The following C7orf78 variants were observed in gnomAD, a reference collection of about 807,000 sequenced individuals.
C7orf78 encodes chromosome 7 open reading frame 78, also known as putative uncharacterized protein C7orf78.
the C7orf78 span, among the ~76,000 whole-genome samples, chr7:12,489,268 A>G: frequency 4.3e-5 from 3 of 70,252 alleles, no homozygotes; most frequent in African/African-American, 2.5e-4. Context: ...TATCATCTGG[A>G]TGGTTATTTA....
the C7orf78 span, among the ~76,000 whole-genome samples, chr7:12,485,098 A>C: frequency 6.7e-6 from 1 of 149,356 alleles, no homozygotes; most frequent in Non-Finnish European, 1.5e-5. Context: ...AATCCAAATT[A>C]TAATTTGCAC....
the C7orf78 span, among the ~76,000 whole-genome samples, chr7:12,504,239 G>A: frequency 6.6e-6 from 1 of 152,126 alleles, no homozygotes; most frequent in Non-Finnish European, 1.5e-5. Flanking sequence ...TATTTACTGA[G>A]TATTGAGCTT....
At chr7:12,541,133 A>G in the C7orf78 span, 1 of 152,232 alleles carries the variant, frequency 6.6e-6, no homozygotes, top group Non-Finnish European at 1.5e-5. Flanking sequence ...TCAGAATCCA[A>G]TCATAAGGCT....
At chr7:12,495,581 G>C in the C7orf78 span, among the ~76,000 whole-genome samples, 1 of 152,168 alleles carries the variant, frequency 6.6e-6, no homozygotes, top group African/African-American at 2.4e-5. Context: ...CAAAATAGGA[G>C]TTAGACTGTT....
At chr7:12,501,677 A>G in the C7orf78 span, among the ~76,000 whole-genome samples, 1 of 138,896 alleles carries the variant, frequency 7.2e-6, no homozygotes, top group Non-Finnish European at 1.6e-5. Flanking sequence ...TACAGATTCA[A>G]TGCCATCCCC....
At chr7:12,531,523 G>A in the C7orf78 span, among the ~76,000 whole-genome samples, 2 of 152,046 alleles carry the variant, frequency 1.3e-5, no homozygotes, top group Non-Finnish European at 2.9e-5. Flanking sequence ...CAGGTTTTTG[G>A]AGAATTAAAT....
At chr7:12,535,003 G>GAAGGAAGGAAGA in the C7orf78 span, among the ~76,000 whole-genome samples, 1 of 151,066 alleles carries the variant, frequency 6.6e-6, no homozygotes, top group Admixed American at 6.6e-5. Flanking sequence ...AGGAAGGAAG[G>GAAGGAAGGAAGA]AAGGAAGGAA....
At chr7:12,521,064 G>A in the C7orf78 span, among the ~76,000 whole-genome samples, 1 of 151,926 alleles carries the variant, frequency 6.6e-6, no homozygotes, top group African/African-American at 2.4e-5. Flanking sequence ...CCATTTGTAT[G>A]GAACATCATT....
the C7orf78 span, among the ~76,000 whole-genome samples, chr7:12,523,950 T>C: frequency 3.9e-5 from 6 of 152,194 alleles, no homozygotes; most frequent in Non-Finnish European, 7.3e-5. Flanking sequence ...CAAATATTTA[T>C]GCAAAATATA....
At chr7:12,492,584 T>A in the C7orf78 span, among the ~76,000 whole-genome samples, 1 of 152,196 alleles carries the variant, frequency 6.6e-6, no homozygotes, top group Admixed American at 6.5e-5. Flanking sequence ...AGTCTCAATT[T>A]TTTTACAAAA....
chr7:12,531,760 T>C, the C7orf78 span, among the ~76,000 whole-genome samples: 2 of 152,146 alleles, frequency 1.3e-5, no homozygotes, highest in Non-Finnish European at 2.9e-5. Flanking sequence ...TGGTTCGTTG[T>C]CTTGTGTTGA....
At chr7:12,540,817 A>C in the C7orf78 span, 1 of 152,230 alleles carries the variant, frequency 6.6e-6, no homozygotes, top group Non-Finnish European at 1.5e-5. Context: ...TAGCATTTGC[A>C]GCCAAGTTTC....
the C7orf78 span, among the ~76,000 whole-genome samples, chr7:12,520,842 T>C: frequency 1.5e-4 from 23 of 152,324 alleles, no homozygotes; most frequent in Admixed American, 8.5e-4. Context: ...TTACTATTAT[T>C]GTATTGCTGT....
the C7orf78 span, among the ~76,000 whole-genome samples, chr7:12,499,510 A>C: frequency 4.0e-5 from 6 of 149,020 alleles, no homozygotes; most frequent in South Asian, 4.4e-4. Flanking sequence ...TAAAGGGATC[A>C]ATTCAACAAG....
At chr7:12,494,673 A>G in the C7orf78 span, among the ~76,000 whole-genome samples, 2 of 152,198 alleles carry the variant, frequency 1.3e-5, no homozygotes, top group African/African-American at 2.4e-5. Flanking sequence ...GCAATAACTG[A>G]TCATCTGTTT....
the C7orf78 span, among the ~76,000 whole-genome samples, chr7:12,508,799 T>G: frequency 6.6e-6 from 1 of 151,998 alleles, no homozygotes; most frequent in African/African-American, 2.4e-5. Flanking sequence ...GGCATTAGAG[T>G]CTTATAGGAG....
At chr7:12,483,844 C>T in the C7orf78 span, 5 of 144,780 alleles carry the variant, frequency 3.5e-5, no homozygotes, top group Admixed American at 2.3e-4. Context: ...TGCCACTGCA[C>T]TCTAGCCTGG....
chr7:12,507,884 T>C, the C7orf78 span, among the ~76,000 whole-genome samples: 3 of 151,960 alleles, frequency 2.0e-5, no homozygotes, highest in African/African-American at 7.2e-5. Context: ...GCATAGTTTA[T>C]ACAAATCTTT....
chr7:12,486,632 G>T, the C7orf78 span, among the ~76,000 whole-genome samples: 1 of 151,918 alleles, frequency 6.6e-6, no homozygotes, highest in African/African-American at 2.4e-5. Flanking sequence ...TTTTGATGGA[G>T]CAAAGTATTT....
Sources: allele counts gnomAD v4.1 joint callset (sites outside exome capture counted in the v4.1 genomes callset), GRCh38; gene constraint gnomAD v4.1.1; transcripts MANE v1.5; gene names NCBI Gene and HGNC (gene_info 2026-07-23, HGNC 2026-07-21).